The following LARS1 variants were observed in gnomAD, a reference collection of about 807,000 sequenced individuals.
The protein encoded by LARS1 is leucine--tRNA ligase, cytoplasmic.
LARS1 carries 100 observed loss-of-function variants against 162.8 expected under a neutral mutation model. The ratio of observed to expected loss-of-function variants is 0.61; its 90% CI spans 0.52 to 0.73. The LOEUF (loss-of-function observed/expected upper bound fraction) is 0.73. LARS1 is among the 30% of genes least tolerant of loss of function. LARS1 has a pLI of 0.00. For missense variants in LARS1, 1,258 were observed against 1,408.9 expected, an observed-to-expected ratio of 0.89 and a Z score of 1.71; for synonymous variants, 457 against 462.8, an observed-to-expected ratio of 0.99 and a Z score of 0.16.
chr5:146,178,694 G>A (rs1200793059), intron 1 of LARS1, among the ~76,000 whole-genome samples: 3 of 151,746 alleles, frequency 2.0e-5, no homozygotes, highest in Middle Eastern at 3.2e-3. Context: ...TCTTTTCTAA[G>A]AAATAATAAG....
Position 146,182,591 on chromosome 5 carries a change from C to T in LARS1, c.-98G>A. The stretch of plus-strand genomic sequence containing the variant: ...CCCCTCCCTCTCGGGGATGCCAGGC[C>T]TCCCACGAAACTAAAGCACACGCTT... On this transcript the variant is annotated 5_prime_UTR_variant, in exon 1 of 32. Coordinates refer to ENST00000394434, the MANE Select transcript of LARS1 (RefSeq NM_020117.11). 6.6e-7 allele frequency: 1 copy of T among 1,526,004 alleles called. No individual in the cohort carries two copies. The highest frequency in any genetic ancestry group is 1.7e-4 in the Middle Eastern group (1 of 5,884). The allele number at this position is 1,526,004 out of a possible 1,614,324, so 94.5% of individuals were successfully genotyped here. A position where few individuals can be genotyped will look rare whatever the true frequency, so the allele number is the denominator to read the frequency against.
chr5:146,156,520 C>T (rs1289038626), intron 10 of LARS1, among the ~76,000 whole-genome samples: 2 of 151,834 alleles, frequency 1.3e-5, no homozygotes, highest in African/African-American at 4.8e-5. Context: ...ATGATGAAAC[C>T]CTGTCTCTAC....
chr5:146,161,366 C>G (rs1055971994), intron 6 of LARS1, among the ~76,000 whole-genome samples: 17 of 152,240 alleles, frequency 1.1e-4, no homozygotes, highest in African/African-American at 3.9e-4. Flanking sequence ...ATTGACTCTT[C>G]CTTTCACAAA....
At chr5:146,145,701 A>G (rs745512129) in intron 15 of LARS1, among the ~76,000 whole-genome samples, 90 of 152,226 alleles carry the variant, frequency 5.9e-4, no homozygotes, top group Non-Finnish European at 1.1e-3. Context: ...TATTCATAAA[A>G]TGATTCACTG....
chr5:146,162,479 A>G (rs1753818881), intron 6 of LARS1, among the ~76,000 whole-genome samples: 1 of 152,150 alleles, frequency 6.6e-6, no homozygotes, highest in African/African-American at 2.4e-5. Flanking sequence ...TCACCAAACC[A>G]TGCTTTAAAC....
chr5:146,165,211 G>T (rs1024767580), intron 5 of LARS1, among the ~76,000 whole-genome samples: 2 of 152,114 alleles, frequency 1.3e-5, no homozygotes, highest in African/African-American at 4.8e-5. Context: ...GCAAGCGCCC[G>T]TAATCCCAGC....
chr5:146,153,665 C>T lies in LARS1; in HGVS notation c.1230+69G>A, dbSNP rs535988721. The T allele has an allele frequency of 2.6e-5, 30 of 1,157,836 alleles. No homozygotes were observed. The Admixed American group carries it at 3.0e-4, about 11-fold the overall frequency. 71.7% of individuals were successfully genotyped at this position (1,157,836 alleles called of 1,614,324 possible). On this transcript the variant is annotated intron_variant, in intron 12 of 31. Transcript: ENST00000394434. ...ATAGCTTTTTAGCCTAGTCCCACAGCGTAGTTCAGCAGCACCTAAGCAATG... is the reference window on the plus strand; with the variant it reads ...ATAGCTTTTTAGCCTAGTCCCACAGTGTAGTTCAGCAGCACCTAAGCAATG...
At chr5:146,153,113 G>A in intron 13 of LARS1, 61 bp downstream of exon 13, 1 of 1,284,334 alleles carries the variant, frequency 7.8e-7, no homozygotes, top group Non-Finnish European at 1.1e-6. Flanking sequence ...AAACATGTTA[G>A]CTCTTCTTTT....
At chr5:146,146,274 A>G (rs1752998935) in intron 15 of LARS1, among the ~76,000 whole-genome samples, 1 of 149,716 alleles carries the variant, frequency 6.7e-6, no homozygotes, top group South Asian at 2.2e-4. Context: ...CAGGAGGCAG[A>G]GGCTGCGGTG....
intron 30 of LARS1, among the ~76,000 whole-genome samples, chr5:146,121,009 G>T (rs1397879192): frequency 6.6e-6 from 1 of 152,062 alleles, no homozygotes; most frequent in Non-Finnish European, 1.5e-5. Flanking sequence ...TTTTTAAGTG[G>T]AAAAAAGTCA....
intron 15 of LARS1, among the ~76,000 whole-genome samples, chr5:146,149,150 T>C (rs1330872997): frequency 6.6e-6 from 1 of 152,068 alleles, no homozygotes; most frequent in Non-Finnish European, 1.5e-5. Context: ...ATTTAAATTA[T>C]GGAAAAGTGA....
chr5:146,174,280 T>C (rs1490527937), intron 2 of LARS1, among the ~76,000 whole-genome samples: 2 of 149,648 alleles, frequency 1.3e-5, no homozygotes, highest in African/African-American at 4.9e-5. Context: ...AACCCGTCTC[T>C]AGTAAAACTA....
chr5:146,146,868 C>T (rs1175086102), intron 15 of LARS1, among the ~76,000 whole-genome samples: 1 of 151,776 alleles, frequency 6.6e-6, no homozygotes, highest in Non-Finnish European at 1.5e-5. Flanking sequence ...CAGACACTAC[C>T]ATGCCCGGCT....
intron 31 of LARS1, 110 bp downstream of exon 31, chr5:146,120,261 T>C: frequency 1.7e-6 from 2 of 1,156,778 alleles, no homozygotes; most frequent in South Asian, 2.7e-5. Flanking sequence ...TTTTCCATAA[T>C]AATACACAGC....
intron 21 of LARS1, among the ~76,000 whole-genome samples, chr5:146,137,382 T>C (rs1157006552): frequency 1.3e-5 from 2 of 152,140 alleles, no homozygotes; most frequent in Admixed American, 6.5e-5. Flanking sequence ...CTTCTCTAAT[T>C]TGCACAGAAG....
chr5:146,154,066 A>G lies in LARS1; in HGVS notation c.1066-86T>C, dbSNP rs73315785. 2.3e-4 allele frequency: 204 copies of G among 886,238 alleles called. 1 individual carries two copies. In the African/African-American group the frequency reaches 3.2e-3, roughly 14 times the overall value. 54.9% of individuals were successfully genotyped at this position (886,238 alleles called of 1,614,324 possible). A position where few individuals can be genotyped will look rare whatever the true frequency, so the allele number is the denominator to read the frequency against. On this transcript the variant is annotated intron_variant, in intron 10 of 31. Coordinates refer to ENST00000394434, the MANE Select transcript of LARS1 (RefSeq NM_020117.11). ...AACTATGTTAATATTTTAAGCCCTG[A>G]GAAGCTAGTAATCAAAAATATATGG...
In LARS1 at chr5:146,177,670, T is replaced by C. The variant is rs774833613; in HGVS notation, c.7-5A>G. 3.4e-6 allele frequency: 5 copies of C among 1,481,732 alleles called. No homozygotes were observed. In the African/African-American group the frequency reaches 4.2e-5, roughly 12 times the overall value. 91.8% of individuals were successfully genotyped at this position (1,481,732 alleles called of 1,614,324 possible). A position where few individuals can be genotyped will look rare whatever the true frequency, so the allele number is the denominator to read the frequency against. On this transcript the variant is annotated splice_region_variant and splice_polypyrimidine_tract_variant and intron_variant, in intron 1 of 31. Coordinates refer to ENST00000394434, the MANE Select transcript of LARS1 (RefSeq NM_020117.11). ...TTTGGCTGTTCCTTTTCTTTCCTAT[T>C]GGACACAAAGAGAATAATCCACTCT...
At chr5:146,182,326 TCATAAACTAGC>T in intron 1 of LARS1, 151 bp downstream of exon 1, 1 of 823,564 alleles carries the variant, frequency 1.2e-6, no homozygotes, top group Admixed American at 2.0e-5. Context: ...AGTTCGTGGT[TCATAAACTAGC>T]AAGAAAAAGC....
At chr5:146,138,883 A>C in intron 21 of LARS1, 1 of 285,772 alleles carries the variant, frequency 3.5e-6, no homozygotes, top group Non-Finnish European at 7.2e-6. Flanking sequence ...AACCAGAGTA[A>C]TCTGGGGAAA....
Sources: gnomAD v4.1 joint callset for allele counts (sites outside exome capture counted in the v4.1 genomes callset) on GRCh38, gnomAD v4.1.1 for gene constraint, MANE v1.5 for transcripts, NCBI Gene and HGNC (gene_info 2026-07-23, HGNC 2026-07-21) for gene names.